Variants in PAX5 observed in about 807,000 individuals in gnomAD.
PAX5 encodes paired box 5, also known as paired box protein Pax-5.
A neutral mutation model predicts 43.7 loss-of-function variants in PAX5; 9 were observed. The ratio of observed to expected loss-of-function variants is 0.21; its 90% CI spans 0.12 to 0.36. The LOEUF is 0.36. Among genes scored for constraint, PAX5 ranks in the 10% least tolerant of loss-of-function variants. The probability of loss-of-function intolerance (pLI) is 1.00; values close to 1 mark genes in which losing one functional copy is unlikely to be tolerated. For synonymous variants in PAX5, 228 were observed against 214.3 expected, an observed-to-expected ratio of 1.06 and a Z score of -0.56; for missense variants, 383 against 532.7, an observed-to-expected ratio of 0.72 and a Z score of 2.77.
intron 7 of PAX5, among the ~76,000 whole-genome samples, chr9:36,896,707 C>T (rs1420300819): frequency 3.3e-5 from 5 of 152,192 alleles, no homozygotes; most frequent in African/African-American, 2.4e-5. Context: ...TTCTGGGTCT[C>T]GGTTTCCACT....
intron 6 of PAX5, among the ~76,000 whole-genome samples, chr9:36,953,417 T>C (rs560286324): frequency 6.6e-6 from 1 of 152,318 alleles, no homozygotes; most frequent in Admixed American, 6.5e-5. Flanking sequence ...ATATTTCTTC[T>C]TCTTCATTCT....
chr9:36,881,132 G>A (rs1190174722), intron 8 of PAX5, among the ~76,000 whole-genome samples: 1 of 152,144 alleles, frequency 6.6e-6, no homozygotes, highest in Non-Finnish European at 1.5e-5. Context: ...AGCCTGATTT[G>A]ATCATTCCAC....
intron 8 of PAX5, among the ~76,000 whole-genome samples, chr9:36,871,820 TC>T (rs532198864): frequency 2.0e-5 from 3 of 151,916 alleles, no homozygotes; most frequent in Non-Finnish European, 4.4e-5. Flanking sequence ...GGCTCTGAGC[TC>T]CCCCAGCACT....
intron 8 of PAX5, among the ~76,000 whole-genome samples, chr9:36,855,341 C>A (rs542365620): frequency 6.6e-6 from 1 of 152,344 alleles, no homozygotes; most frequent in East Asian, 1.9e-4. Flanking sequence ...CTTTCTGTAA[C>A]CTGCCTGGCC....
chr9:36,834,590 A>C lies in PAX5; in HGVS notation c.*5970T>G, dbSNP rs1821512630. 1 of 233,174 alleles carries C rather than the reference A, an allele frequency of 4.3e-6. No individual in the cohort carries two copies. The highest frequency in any genetic ancestry group is 6.0e-5 in the East Asian group (1 of 16,592). 14.4% of individuals were successfully genotyped at this position (233,174 alleles called of 1,614,324 possible). On this transcript the variant is annotated 3_prime_UTR_variant, in exon 10 of 10. Transcript: ENST00000358127. Reference sequence around the variant, plus strand: ...AATTAATTGGCTATTGATTGGTTGGAATGTTCAACTCTCCATTTCCTCAAA... The same window carrying C: ...AATTAATTGGCTATTGATTGGTTGGCATGTTCAACTCTCCATTTCCTCAAA...
At chr9:36,973,465 CA>C (rs1205603201) in intron 5 of PAX5, among the ~76,000 whole-genome samples, 1 of 152,186 alleles carries the variant, frequency 6.6e-6, no homozygotes, top group African/African-American at 2.4e-5. Context: ...CAAGTGAGTC[CA>C]ATGAGCTTGG....
At chr9:37,019,999 G>A (rs1839717748) in intron 2 of PAX5, among the ~76,000 whole-genome samples, 1 of 151,450 alleles carries the variant, frequency 6.6e-6, no homozygotes, top group Non-Finnish European at 1.5e-5. Context: ...AAGGCTGCAC[G>A]GTCCTATGGG....
chr9:37,007,364 T>C (rs765086558), intron 3 of PAX5: 2 of 152,172 alleles, frequency 1.3e-5, no homozygotes, highest in Non-Finnish European at 2.9e-5. Context: ...AGAAAAAAGA[T>C]CTTATGGAAA....
rs557680283 is a variant in PAX5 at position 36,850,136 on chromosome 9, C to T, written c.1013-3207G>A. Among the ~76,000 whole-genome samples the T allele has an allele frequency of 4.6e-5, 7 of 152,090 alleles. No homozygotes were observed. In the South Asian group the frequency reaches 1.0e-3, roughly 23 times the overall value. ...GGCCCGGCAGTGGGGCTGGGCAGAACGTGGCCCCTGCATGGCCAGGTCTTC... is the reference window on the plus strand; with the variant it reads ...GGCCCGGCAGTGGGGCTGGGCAGAATGTGGCCCCTGCATGGCCAGGTCTTC... On this transcript the variant is annotated intron_variant, in intron 8 of 9. Transcript: ENST00000358127.
intron 5 of PAX5, among the ~76,000 whole-genome samples, chr9:37,000,605 T>C (rs181742043): frequency 6.6e-6 from 1 of 152,022 alleles, no homozygotes; most frequent in Non-Finnish European, 1.5e-5. Flanking sequence ...AAGAAAAAAA[T>C]TTTAATTAAA....
intron 4 of PAX5, 103 bp downstream of exon 4, chr9:37,006,370 A>C (rs1340376259): frequency 1.2e-6 from 1 of 825,744 alleles, no homozygotes; most frequent in Non-Finnish European, 2.0e-6. Flanking sequence ...ACGTGTGCTG[A>C]AGTGTTTTAT....
At chr9:36,964,584 C>T (rs1834254720) in intron 6 of PAX5, among the ~76,000 whole-genome samples, 1 of 143,692 alleles carries the variant, frequency 7.0e-6, no homozygotes, top group African/African-American at 2.7e-5. Context: ...AAGAGCAAAA[C>T]TCCAGCTCAC....
chr9:36,839,631 G>C lies in PAX5; in HGVS notation c.*929C>G, dbSNP rs866670257. Reference sequence around the variant, plus strand: ...GCATGCCTCAGAAAACACCGTTCCAGGGGCTGAGGGAGTAGGGAGAGCCTC... The same window carrying C: ...GCATGCCTCAGAAAACACCGTTCCACGGGCTGAGGGAGTAGGGAGAGCCTC... On this transcript the variant is annotated 3_prime_UTR_variant, in exon 10 of 10. Coordinates refer to ENST00000358127, the MANE Select transcript of PAX5 (RefSeq NM_016734.3). 3.8e-4 allele frequency: 88 copies of C among 233,382 alleles called. No homozygotes were observed. Among genetic ancestry groups the C allele is most frequent in the African/African-American group, 1.8e-3 (84 of 45,492 alleles). The allele number at this position is 233,382 out of a possible 1,614,324, so 14.5% of individuals were successfully genotyped here.
At chr9:37,027,910 C>A (rs893563371) in intron 1 of PAX5, among the ~76,000 whole-genome samples, 1 of 152,236 alleles carries the variant, frequency 6.6e-6, no homozygotes, top group African/African-American at 2.4e-5. Flanking sequence ...GGCGGCGGCG[C>A]CACGTTCATT....
chr9:37,028,269 T>C (rs2132550480), intron 1 of PAX5, among the ~76,000 whole-genome samples: 1 of 151,806 alleles, frequency 6.6e-6, no homozygotes, highest in South Asian at 2.1e-4. Flanking sequence ...ATGGGCAGAG[T>C]GGGGTTAACT....
Position 36,966,595 on chromosome 9 carries a change from T to C in PAX5, c.734A>G (p.His245Arg). ...EVLDRVFERQ[H>R]YSDIFTTTEP... ...TGTGGTGGTGAAGATGTCTGAGTAG[T>C]GCTGCCTCTCAAACACGCGGTCCAG... The change falls in exon 6 of 10, where the codon CAC (histidine) becomes CGC (arginine). Residue 245 changes from histidine to arginine, a missense_variant. Transcript: ENST00000358127. The C allele has an allele frequency of 1.9e-6, 3 of 1,614,194 alleles. No homozygotes were observed. Among genetic ancestry groups the C allele is most frequent in the Non-Finnish European group, 2.5e-6 (3 of 1,180,024 alleles).
intron 6 of PAX5, among the ~76,000 whole-genome samples, chr9:36,936,282 G>A (rs1831544493): frequency 6.6e-6 from 1 of 152,230 alleles, no homozygotes; most frequent in African/African-American, 2.4e-5. Context: ...TGTGGGGAAG[G>A]GGGATGGGGA....
At chr9:36,841,467 T>G (rs1822043120) in intron 9 of PAX5, among the ~76,000 whole-genome samples, 1 of 152,246 alleles carries the variant, frequency 6.6e-6, no homozygotes, top group Non-Finnish European at 1.5e-5. Flanking sequence ...CTCAGAGCCC[T>G]GTCTCCTCCT....
At chr9:36,908,050 A>G (rs553512063) in intron 7 of PAX5, among the ~76,000 whole-genome samples, 6 of 152,200 alleles carry the variant, frequency 3.9e-5, no homozygotes, top group African/African-American at 1.4e-4. Context: ...AAATACAAAA[A>G]TTAGCCAGCA....
Sources: gnomAD v4.1 joint callset for allele counts (sites outside exome capture counted in the v4.1 genomes callset) on GRCh38, gnomAD v4.1.1 for gene constraint, MANE v1.5 for transcripts, NCBI Gene and HGNC (gene_info 2026-07-23, HGNC 2026-07-21) for gene names.